BROX: variants seen among roughly 807,000 people sequenced by gnomAD.
BROX encodes the protein BRO1 domain-containing protein BROX.
Under a neutral mutation model 61.0 loss-of-function variants are expected in BROX, and 53 were observed. That is an observed-to-expected ratio of 0.87 (90% CI 0.70 to 1.09). The LOEUF (loss-of-function observed/expected upper bound fraction) is 1.09. Ranked by LOEUF, BROX falls within the 50% of genes least tolerant of loss-of-function variation. The pLI is 0.00. For synonymous variants in BROX, 152 were observed against 160.2 expected, an observed-to-expected ratio of 0.95 and a Z score of 0.38; for missense variants, 489 against 472.0, an observed-to-expected ratio of 1.04 and a Z score of -0.33.
chr1:222,719,510 C>G, intron 4 of BROX, 151 bp downstream of exon 4: 1 of 598,432 alleles, frequency 1.7e-6, no homozygotes, highest in Non-Finnish European at 3.0e-6. Flanking sequence ...CATTTTACCT[C>G]AATCCTAGTA....
Position 222,728,832 on chromosome 1 carries a change from AG to A in BROX, c.756+5del. The A allele has an allele frequency of 6.4e-7, 1 of 1,570,494 alleles. No homozygotes were observed. Among genetic ancestry groups the A allele is most frequent in the Non-Finnish European group, 8.7e-7 (1 of 1,147,306 alleles). On this transcript the variant is annotated splice_donor_5th_base_variant and intron_variant, in intron 9 of 12. Transcript: ENST00000340934. ...GATGTGTTTCTACACAGCTTATGTAAGTATTCACAACGCTAAAAACAATGTA... is the reference window on the plus strand; with the variant it reads ...GATGTGTTTCTACACAGCTTATGTAATATTCACAACGCTAAAAACAATGTA...
Position 222,713,169 on chromosome 1 carries a change from A to G in BROX, c.-17+227A>G, listed in dbSNP as rs953335783. 4 of 977,262 alleles carry G rather than the reference A, an allele frequency of 4.1e-6. No homozygotes were observed. The South Asian group carries it at 1.7e-4, about 41-fold the overall frequency. 60.5% of individuals were successfully genotyped at this position (977,262 alleles called of 1,614,324 possible). On this transcript the variant is annotated intron_variant, in intron 1 of 12. Transcript: ENST00000340934. ...GATCCGCTGAATCCCCTTGCCCCGCATCTCCATTGGTCATTGGAGAGCTTA... is the reference window on the plus strand; with the variant it reads ...GATCCGCTGAATCCCCTTGCCCCGCGTCTCCATTGGTCATTGGAGAGCTTA...
intron 4 of BROX, among the ~76,000 whole-genome samples, chr1:222,721,272 CTG>C (rs1201238381): frequency 2.0e-5 from 3 of 151,538 alleles, no homozygotes; most frequent in East Asian, 1.9e-4. Flanking sequence ...GAGGATAAAA[CTG>C]TTTTGAGAAG....
At chr1:222,713,685 T>A (rs1216777224) in intron 1 of BROX, 1 of 152,632 alleles carries the variant, frequency 6.6e-6, no homozygotes, top group Non-Finnish European at 1.5e-5. Context: ...TTCGCAAAAC[T>A]TCAGACATTT....
chr1:222,712,981 C>T, intron 1 of BROX, 39 bp downstream of exon 1: 1 of 1,176,714 alleles, frequency 8.5e-7, no homozygotes, highest in Non-Finnish European at 1.1e-6. Context: ...CAGTAATATC[C>T]CCCGCTACTT....
At chr1:222,713,495 T>A (rs982229805) in intron 1 of BROX, 1 of 940,660 alleles carries the variant, frequency 1.1e-6, no homozygotes, top group East Asian at 1.2e-4. Context: ...GGAAGTGTGT[T>A]AGCTTACAGC....
At chr1:222,732,376 GA>G (rs1421185605) in intron 12 of BROX, among the ~76,000 whole-genome samples, 1 of 152,072 alleles carries the variant, frequency 6.6e-6, no homozygotes, top group African/African-American at 2.4e-5. Context: ...AGATCACTTA[GA>G]AAAAAGTATG....
chr1:222,733,067 T>TC lies in BROX; in HGVS notation c.*353_*354insC, dbSNP rs1337635728. 1.4e-3 allele frequency: 207 copies of TC among 147,336 alleles called. 4 individuals are homozygous for TC. In the South Asian group the frequency reaches 0.021, roughly 15 times the overall value. 9.1% of individuals were successfully genotyped at this position (147,336 alleles called of 1,614,324 possible). On this transcript the variant is annotated 3_prime_UTR_variant, in exon 13 of 13. Transcript: ENST00000340934. ...ATGTTTTTCTTTTTTCTTTTTCTTT[T>TC]TTTTTTTTCTTTTTTTTTTTTTTTT...
At chr1:222,717,475 T>C (rs536751066) in intron 2 of BROX, among the ~76,000 whole-genome samples, 2 of 152,352 alleles carry the variant, frequency 1.3e-5, no homozygotes, top group African/African-American at 4.8e-5. Context: ...CTGTAGGTGA[T>C]GATCAAGCAT....
intron 11 of BROX, 27 bp from the exon 12 acceptor site, chr1:222,731,329 GA>G: frequency 6.5e-7 from 1 of 1,541,630 alleles, no homozygotes; most frequent in Non-Finnish European, 8.7e-7. Flanking sequence ...ACAAATGAAT[GA>G]ATTGCTATTT....
At position 222,712,794 on chromosome 1, in the gene BROX, A is replaced by T. The variant is rs890259633; in HGVS notation, c.-165A>T. 181 of 1,289,022 alleles carry T rather than the reference A, an allele frequency of 1.4e-4. No homozygotes were observed. Among genetic ancestry groups the T allele is most frequent in the Non-Finnish European group, 1.8e-4 (175 of 988,762 alleles). 79.8% of individuals were successfully genotyped at this position (1,289,022 alleles called of 1,614,324 possible). A position where few individuals can be genotyped will look rare whatever the true frequency, so the allele number is the denominator to read the frequency against. On this transcript the variant is annotated 5_prime_UTR_variant, in exon 1 of 13. Coordinates refer to ENST00000340934, the MANE Select transcript of BROX (RefSeq NM_144695.4). ...CGGTAGCTATCATGGCCGCCGGGTC[A>T]CGTGACTCCGGCTTGGCGCCGTCCT... is the stretch of plus-strand genomic sequence containing the variant.
Position 222,719,258 on chromosome 1 carries a change from T to C in BROX, c.209-5T>C, listed in dbSNP as rs768669947. The C allele has an allele frequency of 6.4e-7, 1 of 1,563,930 alleles. No individual in the cohort carries two copies. Among genetic ancestry groups the C allele is most frequent in the Non-Finnish European group, 8.8e-7 (1 of 1,135,428 alleles). On this transcript the variant is annotated splice_polypyrimidine_tract_variant and splice_region_variant and intron_variant, in intron 3 of 12. Coordinates refer to ENST00000340934, the MANE Select transcript of BROX (RefSeq NM_144695.4). ...AAAACTAAAATGTCTTGTACTTTTC[T>C]ATAGGTTTCATAAATTCTTTGGATG...
At chr1:222,724,466 G>T (rs746897321) in intron 6 of BROX, among the ~76,000 whole-genome samples, 5 of 152,112 alleles carry the variant, frequency 3.3e-5, no homozygotes, top group Admixed American at 6.5e-5. Context: ...AGTATTGATG[G>T]TTCTTACCTA....
intron 3 of BROX, 52 bp from the exon 4 acceptor site, chr1:222,719,211 C>T (rs1656873848): frequency 7.1e-7 from 1 of 1,403,580 alleles, no homozygotes; most frequent in Middle Eastern, 1.9e-4. Flanking sequence ...ACAGAACACT[C>T]AATATTTCTT....
intron 11 of BROX, 35 bp downstream of exon 11, chr1:222,730,212 TTA>T: frequency 1.6e-6 from 2 of 1,236,192 alleles, no homozygotes; most frequent in Non-Finnish European, 1.1e-6. Context: ...AGTAATAATA[TTA>T]TGTTGATTTA....
chr1:222,716,288 G>T (rs760698731), intron 2 of BROX, among the ~76,000 whole-genome samples: 2 of 151,948 alleles, frequency 1.3e-5, no homozygotes, highest in Non-Finnish European at 2.9e-5. Context: ...TAGTAGAGAC[G>T]GGTTTTCACC....
chr1:222,731,306 A>T, intron 11 of BROX, 51 bp from the exon 12 acceptor site: 1 of 1,462,546 alleles, frequency 6.8e-7, no homozygotes, highest in Admixed American at 2.5e-5. Context: ...CATATTAGGC[A>T]CTCAAATAAC....
At chr1:222,727,865 T>C (rs186485365) in intron 8 of BROX, among the ~76,000 whole-genome samples, 37 of 152,274 alleles carry the variant, frequency 2.4e-4, no homozygotes, top group African/African-American at 7.5e-4. Context: ...TTTAGCCTTA[T>C]TGTGAAGTGT....
At position 222,725,586 on chromosome 1, in the gene BROX, T is replaced by C. The variant is rs377443629; in HGVS notation, c.580+31T>C. 1.7e-5 allele frequency: 26 copies of C among 1,508,082 alleles called. No individual in the cohort carries two copies. The African/African-American group carries it at 2.5e-4, about 15-fold the overall frequency. The allele number at this position is 1,508,082 out of a possible 1,614,324, so 93.4% of individuals were successfully genotyped here. ...CTAAATATTGTAAGATTTTTTTAAA[T>C]GAAAGTCTATATTGTCATTGAATTC... is the stretch of plus-strand genomic sequence containing the variant. On this transcript the variant is annotated intron_variant, in intron 7 of 12. Coordinates refer to ENST00000340934, the MANE Select transcript of BROX (RefSeq NM_144695.4).
Sources: allele counts gnomAD v4.1 joint callset (sites outside exome capture counted in the v4.1 genomes callset), GRCh38; gene constraint gnomAD v4.1.1; transcripts MANE v1.5; gene names NCBI Gene and HGNC (gene_info 2026-07-23, HGNC 2026-07-21).